The following EP300 variants were observed in gnomAD, a reference collection of about 807,000 sequenced individuals.
EP300 encodes EP300 lysine acetyltransferase, also known as histone acetyltransferase p300.
In EP300, 31 loss-of-function variants were observed where a neutral mutation model predicts 264.0. The observed-to-expected ratio is 0.12, with a 90% CI of 0.09 to 0.16. EP300 has a LOEUF of 0.16. Ranked by LOEUF, EP300 falls within the 10% of genes least tolerant of loss-of-function variation. The pLI, the probability that EP300 is intolerant of heterozygous loss-of-function variation, is 1.00. For missense variants in EP300, 2,766 were observed against 3,052.9 expected (o/e 0.91, Z 2.21); for synonymous variants, 1,340 against 1,045.4 (o/e 1.28, Z -5.44).
At chr22:41,102,028 T>C (rs1258115236) in intron 1 of EP300, among the ~76,000 whole-genome samples, 3 of 141,326 alleles carry the variant, frequency 2.1e-5, no homozygotes. Context: ...TTTTTTCTTT[T>C]CTTTTTTTTT....
At chr22:41,134,086 A>AT in intron 6 of EP300, among the ~76,000 whole-genome samples, 1 of 144,876 alleles carries the variant, frequency 6.9e-6, no homozygotes, top group South Asian at 2.2e-4. Flanking sequence ...GACCATTTCT[A>AT]TTTTAATATT....
chr22:41,149,957 T>C lies in EP300; in HGVS notation c.2576T>C (p.Ile859Thr), dbSNP rs145714752. 9.2e-4 allele frequency: 1,490 copies of C among 1,612,184 alleles called. 44 individuals are homozygous for C. The Admixed American group carries it at 0.024, about 26-fold the overall frequency. ...IGAQQPPATTIPAPVPTPPAM... is the reference protein window; with the variant it reads ...IGAQQPPATTTPAPVPTPPAM... ...GCTCAGCAGCCACCAGCAACAACAA[T>C]TCCAGCCCCTGTTCCTACACCTCCT... Residue 859 changes from isoleucine to threonine, a missense_variant, in exon 14 of 31, where the codon ATT becomes ACT. Physicochemically the swap from Ile to Thr is moderately conservative, Grantham distance 89. Coordinates refer to ENST00000263253, the MANE Select transcript of EP300 (RefSeq NM_001429.4).
rs2145732271 is a variant in EP300 at position 41,146,750 on chromosome 22, C to G, written c.2065C>G (p.Pro689Ala). ...QPGMTSNGPL[P>A]DPSMIRGSVP... ...CTTTTTTACTCTAGATGGCCCTCTA[C>G]CTGACCCAAGTATGATCCGTGGCAG... The change falls in exon 11 of 31, where the codon CCT becomes GCT. Residue 689 changes from proline (P) to alanine (A), a missense_variant. Pro to Ala is a conservative substitution (Grantham distance 27, BLOSUM62 -1). Coordinates refer to ENST00000263253, the MANE Select transcript of EP300 (RefSeq NM_001429.4). 6.2e-7 allele frequency: 1 copy of G among 1,614,156 alleles called. No individual in the cohort carries two copies. The highest frequency in any genetic ancestry group is 1.7e-5 in the Admixed American group (1 of 60,028).
intron 1 of EP300, among the ~76,000 whole-genome samples, chr22:41,112,164 A>G (rs1276690940): frequency 6.6e-5 from 10 of 151,706 alleles, no homozygotes. Context: ...CTGGGATTAC[A>G]AGCGTGAGCC....
In EP300 at chr22:41,167,620, A is replaced by G. The variant is rs1362009157; in HGVS notation, c.3875-829A>G. On this transcript the variant is annotated intron_variant, in intron 23 of 30. Transcript: ENST00000263253. ...TATATATATATATATATATATATATATATATATATATATATAATGTTTGGT... is the reference window on the plus strand; with the variant it reads ...TATATATATATATATATATATATATGTATATATATATATATAATGTTTGGT... Among the ~76,000 whole-genome samples the G allele has an allele frequency of 1.7e-4, 9 of 52,742 alleles. 1 individual carries two copies. In the East Asian group the frequency reaches 2.9e-3, roughly 17 times the overall value. The allele number at this position is 52,742 out of a possible 152,430, so 34.6% of individuals were successfully genotyped here.
intron 27 of EP300, among the ~76,000 whole-genome samples, chr22:41,171,507 G>A (rs1230480388): frequency 4.6e-5 from 7 of 151,870 alleles, no homozygotes; most frequent in South Asian, 2.1e-4. Flanking sequence ...GCTGATTTTT[G>A]TATATTTTTT....
chr22:41,160,453 CA>C (rs927419939), intron 19 of EP300, 188 bp from the exon 20 acceptor site: 5 of 423,260 alleles, frequency 1.2e-5, no homozygotes, highest in Admixed American at 4.1e-5. Flanking sequence ...AAAAAACAAA[CA>C]AAAAAACCAA....
chr22:41,169,166 C>T, intron 25 of EP300: 2 of 552,772 alleles, frequency 3.6e-6, no homozygotes, highest in South Asian at 4.1e-5. Flanking sequence ...GATTAAGTAG[C>T]TATGTGAAAA....
chr22:41,094,417 A>G (rs957436696), intron 1 of EP300, among the ~76,000 whole-genome samples: 4 of 152,222 alleles, frequency 2.6e-5, no homozygotes, highest in African/African-American at 9.6e-5. Flanking sequence ...CGTTGCTTTT[A>G]TAAGAAAGAT....
intron 22 of EP300, among the ~76,000 whole-genome samples, chr22:41,165,947 AC>A (rs2059131646): frequency 6.6e-6 from 1 of 150,842 alleles, no homozygotes; most frequent in Non-Finnish European, 1.5e-5. Flanking sequence ...ACCATGTCTG[AC>A]CAATTCTTGT....
chr22:41,117,669 A>G lies in EP300; in HGVS notation c.577A>G (p.Asn193Asp). The G allele has an allele frequency of 6.2e-7, 1 of 1,614,214 alleles. No homozygotes were observed. Among genetic ancestry groups the G allele is most frequent in the Non-Finnish European group, 8.5e-7 (1 of 1,180,034 alleles). Reference protein sequence around the residue: ...GQGIMPNQVMNGSIGAGRGRQ... With the variant: ...GQGIMPNQVMDGSIGAGRGRQ... ...AGGGATAATGCCTAATCAAGTCATG[A>G]ACGGTTCAATTGGAGCAGGCCGAGG... Residue 193 changes from asparagine (N) to aspartate (D), a missense_variant, in exon 2 of 31, where the codon AAC (asparagine) becomes GAC (aspartate). Coordinates refer to ENST00000263253, the MANE Select transcript of EP300 (RefSeq NM_001429.4).
chr22:41,120,307 C>G (rs2058845166), intron 2 of EP300, among the ~76,000 whole-genome samples: 1 of 152,210 alleles, frequency 6.6e-6, no homozygotes, highest in Admixed American at 6.5e-5. Context: ...ATAGTGAGAC[C>G]CCCATCTCTA....
rs975217904 is a variant in EP300, at chr22:41,179,463, T to C, written c.*507T>C. On this transcript the variant is annotated 3_prime_UTR_variant, in exon 31 of 31. Transcript: ENST00000263253. ...TACATTCTATATATATATAAATATA[T>C]ATAAATATATATTAAAATACCAGTT... 2 of 161,282 alleles carry C rather than the reference T, an allele frequency of 1.2e-5. No individual in the cohort carries two copies. Among genetic ancestry groups the C allele is most frequent in the African/African-American group, 4.9e-5 (2 of 40,946 alleles). The allele number at this position is 161,282 out of a possible 1,614,324, so 10.0% of individuals were successfully genotyped here.
intron 1 of EP300, among the ~76,000 whole-genome samples, chr22:41,100,703 A>T (rs973033293): frequency 7.2e-5 from 11 of 152,294 alleles, no homozygotes; most frequent in African/African-American, 2.6e-4. Flanking sequence ...TTCAAAGTAT[A>T]TGGGTGGGTG....
intron 29 of EP300, among the ~76,000 whole-genome samples, chr22:41,175,031 TGGAA>T (rs2059192294): frequency 6.6e-6 from 1 of 151,254 alleles, no homozygotes; most frequent in African/African-American, 2.4e-5. Context: ...GCTAGTGAAA[TGGAA>T]GGATTCCTGA....
At chr22:41,098,000 T>A (rs1003349253) in intron 1 of EP300, among the ~76,000 whole-genome samples, 1 of 91,380 alleles carries the variant, frequency 1.1e-5, no homozygotes, top group Non-Finnish European at 3.0e-5. Flanking sequence ...AGCTAAAAAT[T>A]TTTTTTTTTT....
chr22:41,160,539 C>A, intron 19 of EP300, 103 bp from the exon 20 acceptor site: 1 of 990,192 alleles, frequency 1.0e-6, no homozygotes, highest in South Asian at 1.3e-5. Flanking sequence ...TCTCTGCTCC[C>A]GTCCCCCTCC....
intron 28 of EP300, 152 bp downstream of exon 28, chr22:41,172,815 G>T (rs1251873991): frequency 3.5e-6 from 3 of 846,282 alleles, no homozygotes; most frequent in Non-Finnish European, 5.6e-6. Context: ...AGGTTATTAG[G>T]GTTCTGTTTC....
At chr22:41,110,894 C>A (rs1286191644) in intron 1 of EP300, among the ~76,000 whole-genome samples, 4 of 151,440 alleles carry the variant, frequency 2.6e-5, no homozygotes, top group Admixed American at 2.0e-4. Context: ...TCTGTTTAGT[C>A]AGCCTTTACT....
Sources: allele counts gnomAD v4.1 joint callset (sites outside exome capture counted in the v4.1 genomes callset), GRCh38; gene constraint gnomAD v4.1.1; transcripts MANE v1.5; gene names NCBI Gene and HGNC (gene_info 2026-07-23, HGNC 2026-07-21).